SPAG16: variants seen among roughly 807,000 people sequenced by gnomAD.
SPAG16 encodes the protein sperm-associated antigen 16 protein.
A neutral mutation model predicts 80.4 loss-of-function variants in SPAG16; 86 were observed. The ratio of observed to expected loss-of-function variants is 1.07; its 90% CI spans 0.90 to 1.28. The LOEUF is 1.28. Among genes scored for constraint, SPAG16 ranks in the 50% most tolerant of loss-of-function variants. SPAG16 has a pLI of 0.00. For synonymous variants in SPAG16, 294 were observed against 265.9 expected (o/e 1.11, Z -1.03); for missense variants, 870 against 765.3 (o/e 1.14, Z -1.61).
intron 9 of SPAG16, among the ~76,000 whole-genome samples, chr2:213,486,055 G>A (rs2073957182): frequency 6.6e-6 from 1 of 152,052 alleles, no homozygotes; most frequent in South Asian, 2.1e-4. Context: ...CACCTTAAAT[G>A]TTTGTCTTTA....
intron 15 of SPAG16, among the ~76,000 whole-genome samples, chr2:214,260,607 A>T (rs1691073612): frequency 6.6e-6 from 1 of 152,062 alleles, no homozygotes. Flanking sequence ...GACTCCTATT[A>T]AGTCTTGTTC....
chr2:213,764,380 A>T (rs1190335815), intron 10 of SPAG16, among the ~76,000 whole-genome samples: 1 of 152,086 alleles, frequency 6.6e-6, no homozygotes, highest in African/African-American at 2.4e-5. Flanking sequence ...AGGGGGAAAA[A>T]AAAAACCTGA....
At chr2:213,844,078 G>C (rs1358863790) in intron 10 of SPAG16, among the ~76,000 whole-genome samples, 1 of 152,168 alleles carries the variant, frequency 6.6e-6, no homozygotes, top group Non-Finnish European at 1.5e-5. Flanking sequence ...AAACCTAGTT[G>C]CCTTCTCATT....
chr2:213,684,861 A>G (rs755310856), intron 10 of SPAG16, among the ~76,000 whole-genome samples: 2 of 152,232 alleles, frequency 1.3e-5, no homozygotes, highest in Non-Finnish European at 2.9e-5. Flanking sequence ...GGATTTAACA[A>G]TTTATTGGGG....
At chr2:213,503,313 T>C (rs1442293138) in intron 10 of SPAG16, among the ~76,000 whole-genome samples, 1 of 152,224 alleles carries the variant, frequency 6.6e-6, no homozygotes, top group African/African-American at 2.4e-5. Flanking sequence ...CTACCTTCTT[T>C]ATGTGCCTCA....
intron 14 of SPAG16, among the ~76,000 whole-genome samples, chr2:214,123,906 A>G (rs112726351): frequency 2.6e-5 from 4 of 152,208 alleles, no homozygotes; most frequent in African/African-American, 9.6e-5. Flanking sequence ...ATCTTGAATC[A>G]TATAGATAAC....
chr2:213,987,944 T>C (rs2046098252), intron 12 of SPAG16, among the ~76,000 whole-genome samples: 1 of 150,776 alleles, frequency 6.6e-6, no homozygotes, highest in African/African-American at 2.4e-5. Flanking sequence ...TAGAGTGCGT[T>C]ATAACAAACT....
At chr2:213,900,336 C>T (rs921204430) in intron 11 of SPAG16, among the ~76,000 whole-genome samples, 4 of 152,084 alleles carry the variant, frequency 2.6e-5, no homozygotes, top group Admixed American at 1.3e-4. Context: ...GTGAGACAGA[C>T]TGCCTCGAGA....
intron 8 of SPAG16, among the ~76,000 whole-genome samples, chr2:213,370,509 G>C (rs949242733): frequency 1.1e-4 from 17 of 151,946 alleles, no homozygotes; most frequent in Admixed American, 2.6e-4. Flanking sequence ...ATTAAATGAT[G>C]GTTTGAAATT....
At chr2:213,340,139 A>G in intron 5 of SPAG16, 24 bp from the exon 6 acceptor site, 1 of 1,521,752 alleles carries the variant, frequency 6.6e-7, no homozygotes, top group Non-Finnish European at 9.1e-7. Context: ...GCAGTGATTT[A>G]TAAAGTTACT....
chr2:213,468,508 T>TCTATGTATTTATATATAG (rs1237117468), intron 9 of SPAG16, among the ~76,000 whole-genome samples: 45 of 139,536 alleles, frequency 3.2e-4, no homozygotes, highest in East Asian at 3.0e-3. Flanking sequence ...TATATAGATA[T>TCTATGTATTTATATATAG]ATATATATCT....
chr2:213,347,636 G>T (rs1476916666), intron 6 of SPAG16, among the ~76,000 whole-genome samples: 1 of 152,192 alleles, frequency 6.6e-6, no homozygotes, highest in South Asian at 2.1e-4. Flanking sequence ...CCTTCATTTC[G>T]TTATGTACCC....
chr2:213,924,228 A>G (rs1160737872), intron 11 of SPAG16, among the ~76,000 whole-genome samples: 2 of 152,144 alleles, frequency 1.3e-5, no homozygotes, highest in African/African-American at 4.8e-5. Context: ...GTCCCCTTGG[A>G]CTTGATAGTT....
chr2:213,578,090 T>C (rs1409175012), intron 10 of SPAG16, among the ~76,000 whole-genome samples: 1 of 151,774 alleles, frequency 6.6e-6, no homozygotes, highest in African/African-American at 2.4e-5. Context: ...GTGTATGTTT[T>C]AAAACATCAA....
chr2:213,867,020 A>G (rs1209724204), intron 11 of SPAG16, among the ~76,000 whole-genome samples: 3 of 152,024 alleles, frequency 2.0e-5, no homozygotes, highest in Non-Finnish European at 4.4e-5. Flanking sequence ...AATAATAACT[A>G]TACACATAAC....
intron 10 of SPAG16, among the ~76,000 whole-genome samples, chr2:213,507,293 C>A (rs2125797858): frequency 6.6e-6 from 1 of 152,302 alleles, no homozygotes; most frequent in Non-Finnish European, 1.5e-5. Flanking sequence ...TGAGTTTTGG[C>A]ACCGTTGTTT....
chr2:213,922,484 T>G (rs2078269886), intron 11 of SPAG16, among the ~76,000 whole-genome samples: 1 of 152,200 alleles, frequency 6.6e-6, no homozygotes, highest in Non-Finnish European at 1.5e-5. Flanking sequence ...CCCTGTATCT[T>G]GATGATCCTT....
intron 8 of SPAG16, among the ~76,000 whole-genome samples, chr2:213,373,589 T>G (rs1226270324): frequency 6.6e-6 from 1 of 152,210 alleles, no homozygotes; most frequent in Non-Finnish European, 1.5e-5. Flanking sequence ...ATTTTATTTC[T>G]TTGATGAAGT....
chr2:214,028,695 A>C (rs768266867), intron 13 of SPAG16, among the ~76,000 whole-genome samples: 1 of 152,010 alleles, frequency 6.6e-6, no homozygotes, highest in Non-Finnish European at 1.5e-5. Context: ...AAATCACTTG[A>C]TGTGAAATCT....
Sources: gnomAD v4.1 joint callset for allele counts (sites outside exome capture counted in the v4.1 genomes callset) on GRCh38, gnomAD v4.1.1 for gene constraint, MANE v1.5 for transcripts, NCBI Gene and HGNC (gene_info 2026-07-23, HGNC 2026-07-21) for gene names.